Variants in HDX observed in about 807,000 individuals in gnomAD.
The protein encoded by HDX is chromosome X open reading frame 43.
In HDX, 19 loss-of-function variants were observed where a neutral mutation model predicts 45.2. The ratio of observed to expected loss-of-function variants is 0.42; its 90% CI spans 0.29 to 0.62. The LOEUF (loss-of-function observed/expected upper bound fraction) is 0.62. Among genes scored for constraint, HDX ranks in the 20% least tolerant of loss-of-function variants. HDX has a pLI of 0.20. For missense variants in HDX, 532 were observed against 493.9 expected (o/e 1.08, Z -0.73); for synonymous variants, 188 against 172.8 (o/e 1.09, Z -0.69).
At chrX:84,361,144 T>G (rs2037612823) in intron 6 of HDX, among the ~76,000 whole-genome samples, 1 of 112,073 alleles carries the variant, frequency 8.9e-6, no homozygotes, top group African/African-American at 3.2e-5. Context: ...TTATTTTCAT[T>G]TCCATAATGA....
At chrX:84,498,985 C>A (rs1055033362) in intron 1 of HDX, among the ~76,000 whole-genome samples, 2 of 111,217 alleles carry the variant, frequency 1.8e-5, no homozygotes. Context: ...TTGACTGTGA[C>A]GTATAGTAGC....
chrX:84,380,206 C>T lies in HDX; in HGVS notation c.1306-18594G>A, dbSNP rs192902657. Among the ~76,000 whole-genome samples, 45 of 106,989 alleles carry T rather than the reference C, an allele frequency of 4.2e-4. 1 individual carries two copies. The highest frequency in any genetic ancestry group is 3.6e-3 in the Admixed American group (35 of 9,772). 92.9% of individuals were successfully genotyped at this position (106,989 alleles called of 115,157 possible). A position where few individuals can be genotyped will look rare whatever the true frequency, so the allele number is the denominator to read the frequency against. On this transcript the variant is annotated intron_variant, in intron 5 of 10. Coordinates refer to ENST00000373177, the MANE Select transcript of HDX (RefSeq NM_001177479.2). The stretch of plus-strand genomic sequence containing the variant: ...ACCCAAACAGACCAATAACAAGTAA[C>T]GGGATCAAAGCTGTAATAAGAAAGC...
chrX:84,462,308 C>T (rs1021609580), intron 4 of HDX, among the ~76,000 whole-genome samples: 1 of 111,831 alleles, frequency 8.9e-6, no homozygotes, highest in Non-Finnish European at 1.9e-5. Flanking sequence ...AAATGTGGTA[C>T]GTATACACAA....
At chrX:84,458,352 A>T (rs1602494294) in intron 4 of HDX, among the ~76,000 whole-genome samples, 1 of 111,879 alleles carries the variant, frequency 8.9e-6, no homozygotes, top group Middle Eastern at 4.7e-3. Flanking sequence ...CTCAAGATGA[A>T]TCTTTTTCTG....
chrX:84,482,607 C>G (rs1189529222), intron 2 of HDX, among the ~76,000 whole-genome samples: 1 of 111,507 alleles, frequency 9.0e-6, no homozygotes, highest in African/African-American at 3.3e-5. Context: ...TGGGTCCCTC[C>G]CACAACATGT....
chrX:84,493,565 TAGCTAC>T (rs1332224673), intron 1 of HDX, among the ~76,000 whole-genome samples: 10 of 112,140 alleles, frequency 8.9e-5, no homozygotes, highest in African/African-American at 2.9e-4. Context: ...TATATGTCTA[TAGCTAC>T]ATCCCTAATG....
intron 5 of HDX, among the ~76,000 whole-genome samples, chrX:84,368,642 T>C (rs1236904826): frequency 1.8e-5 from 2 of 111,971 alleles, no homozygotes; most frequent in African/African-American, 6.5e-5. Context: ...TTTGCCATTA[T>C]AAACCCTTTT....
At chrX:84,412,619 A>G (rs1675981236) in intron 5 of HDX, among the ~76,000 whole-genome samples, 1 of 110,917 alleles carries the variant, frequency 9.0e-6, no homozygotes, top group Admixed American at 9.7e-5. Flanking sequence ...TTTCATTACA[A>G]TCTTGGAGAA....
chrX:84,329,715 T>G (rs1176762869), intron 9 of HDX, among the ~76,000 whole-genome samples: 1 of 111,831 alleles, frequency 8.9e-6, no homozygotes, highest in East Asian at 2.8e-4. Flanking sequence ...AAATAAAGTC[T>G]ATCCCAAAGG....
intron 6 of HDX, among the ~76,000 whole-genome samples, chrX:84,359,029 C>T (rs73625980): frequency 5.1e-4 from 56 of 109,482 alleles, no homozygotes; most frequent in Middle Eastern, 4.7e-3. Flanking sequence ...CTTTACACCA[C>T]GGAAATCAGC....
intron 5 of HDX, among the ~76,000 whole-genome samples, chrX:84,435,477 G>A (rs1337495833): frequency 9.1e-6 from 1 of 110,278 alleles, no homozygotes; most frequent in African/African-American, 3.3e-5. Context: ...TGTCAGATGA[G>A]TAGGTTGCGA....
chrX:84,322,241 C>A (rs2036612307), intron 10 of HDX, among the ~76,000 whole-genome samples: 1 of 110,432 alleles, frequency 9.1e-6, no homozygotes, highest in Non-Finnish European at 1.9e-5. Context: ...AGAGTAGAAC[C>A]TGTACAAAGG....
At chrX:84,454,950 G>T (rs1381208595) in intron 4 of HDX, among the ~76,000 whole-genome samples, 1 of 110,699 alleles carries the variant, frequency 9.0e-6, no homozygotes, top group Non-Finnish European at 1.9e-5. Context: ...GGTTCTTCTG[G>T]ATCTTATCCA....
Position 84,481,051 on chromosome X carries a change from T to G in HDX, c.1-5654A>C, listed in dbSNP as rs189833383. 8.4e-4 allele frequency among the ~76,000 whole-genome samples: 93 copies of G among 111,377 alleles called. 2 individuals carry two copies. Among genetic ancestry groups the G allele is most frequent in the African/African-American group, 2.9e-3 (88 of 30,759 alleles). On this transcript the variant is annotated intron_variant, in intron 2 of 10. Coordinates refer to ENST00000373177, the MANE Select transcript of HDX (RefSeq NM_001177479.2). ...GATAATCTATTTATTCTTGAGTGAG[T>G]TTTGATAGTTTGTGTCTTTCAAGGA... is the stretch of plus-strand genomic sequence containing the variant.
chrX:84,463,248 T>C (rs1214871050), intron 4 of HDX, among the ~76,000 whole-genome samples: 5 of 111,579 alleles, frequency 4.5e-5, no homozygotes, highest in African/African-American at 1.6e-4. Context: ...ATTACTTTTT[T>C]AAAAACTTGA....
intron 5 of HDX, among the ~76,000 whole-genome samples, chrX:84,407,243 G>T (rs1307174069): frequency 9.0e-6 from 1 of 110,916 alleles, no homozygotes; most frequent in Non-Finnish European, 1.9e-5. Flanking sequence ...CTTGGTATGT[G>T]TTGTTCCCTT....
chrX:84,336,924 T>C (rs751486084), intron 7 of HDX, 44 bp from the exon 8 acceptor site: 1 of 853,153 alleles, frequency 1.2e-6, no homozygotes, highest in East Asian at 3.2e-5. Context: ...TTCGCAAAAC[T>C]TTCTTGAGAA....
At chrX:84,488,560 C>T (rs1281570834) in intron 1 of HDX, among the ~76,000 whole-genome samples, 1 of 111,200 alleles carries the variant, frequency 9.0e-6, no homozygotes, top group African/African-American at 3.3e-5. Context: ...TGTATAGTCT[C>T]TAGTTGTTCT....
chrX:84,342,749 C>A (rs752689044), intron 7 of HDX, among the ~76,000 whole-genome samples: 2 of 110,585 alleles, frequency 1.8e-5, no homozygotes, highest in East Asian at 5.7e-4. Flanking sequence ...ATACTAGAGG[C>A]AAATGTGGGG....
Sources: gnomAD v4.1 joint callset for allele counts (sites outside exome capture counted in the v4.1 genomes callset) on GRCh38, gnomAD v4.1.1 for gene constraint, MANE v1.5 for transcripts, NCBI Gene and HGNC (gene_info 2026-07-23, HGNC 2026-07-21) for gene names.